RYR3: variants seen among roughly 807,000 people sequenced by gnomAD.
The protein encoded by RYR3 is ryanodine receptor 3.
Under a neutral mutation model 584.3 loss-of-function variants are expected in RYR3, and 207 were observed. The observed-to-expected ratio is 0.35, with a 90% CI of 0.32 to 0.40. The LOEUF (loss-of-function observed/expected upper bound fraction) is 0.40. Among genes scored for constraint, RYR3 ranks in the 10% least tolerant of loss-of-function variants. The pLI, the probability that RYR3 is intolerant of heterozygous loss-of-function variation, is 1.00. For missense variants in RYR3, 5,616 were observed against 6,089.2 expected (o/e 0.92, Z 2.59); for synonymous variants, 2,416 against 2,248.5 (o/e 1.07, Z -2.11).
chr15:33,580,138 G>A lies in RYR3; in HGVS notation c.1431G>A (p.Lys477=). Residue 477 remains lysine, a synonymous_variant, in exon 13 of 104, where the codon AAG becomes AAA. Transcript: ENST00000634891. ...RSLKNRQNLF[K]EEGMLALVLN... ...TCAAAAACAGACAAAATCTTTTCAA[G>A]GAAGAGGTAAGTCGAAAAATGAAAA... is the stretch of plus-strand genomic sequence containing the variant. 6.2e-7 allele frequency: 1 copy of A among 1,601,724 alleles called. No homozygotes were observed. Among genetic ancestry groups the A allele is most frequent in the Non-Finnish European group, 8.5e-7 (1 of 1,173,928 alleles).
intron 3 of RYR3, among the ~76,000 whole-genome samples, chr15:33,511,263 T>G (rs1415846894): frequency 6.7e-6 from 1 of 150,148 alleles, no homozygotes; most frequent in African/African-American, 2.5e-5. Flanking sequence ...CATTTAACGC[T>G]CTTGCAAACC....
At position 33,725,993 on chromosome 15, in the gene RYR3, A is replaced by AAC. The variant is rs1555427714; in HGVS notation, c.6913-392_6913-391insCA. 4.3e-3 allele frequency among the ~76,000 whole-genome samples: 338 copies of AAC among 79,068 alleles called. 75 individuals are homozygous for AAC. Among genetic ancestry groups the AAC allele is most frequent in the Admixed American group, 6.8e-3 (36 of 5,264 alleles). 51.9% of individuals were successfully genotyped at this position (79,068 alleles called of 152,430 possible). A position where few individuals can be genotyped will look rare whatever the true frequency, so the allele number is the denominator to read the frequency against. Reference sequence around the variant, plus strand: ...CCCCCCCCCAAAAAAAAAAAAAAAAAAAAACAGAATTCTAGAGTCTGGCAT... The same window carrying AAC: ...CCCCCCCCCAAAAAAAAAAAAAAAAAACAAAACAGAATTCTAGAGTCTGGCAT... On this transcript the variant is annotated intron_variant, in intron 45 of 103. Transcript: ENST00000634891.
intron 2 of RYR3, among the ~76,000 whole-genome samples, chr15:33,493,124 C>T (rs1308237022): frequency 1.4e-5 from 2 of 145,776 alleles, no homozygotes; most frequent in African/African-American, 5.2e-5. Flanking sequence ...AGACTTAGAC[C>T]TTCCTTCTCC....
chr15:33,495,402 T>G (rs549926683), intron 2 of RYR3, among the ~76,000 whole-genome samples: 1 of 152,114 alleles, frequency 6.6e-6, no homozygotes, highest in Non-Finnish European at 1.5e-5. Context: ...GCGGTGTGAT[T>G]GTGGGGAAGT....
At chr15:33,826,310 A>G in intron 83 of RYR3, 41 bp downstream of exon 83, 3 of 1,599,684 alleles carry the variant, frequency 1.9e-6, no homozygotes, top group Non-Finnish European at 2.6e-6. Context: ...CCGTGTGTGA[A>G]TCCTAGGAGA....
At chr15:33,444,690 G>C (rs1169374155) in intron 1 of RYR3, among the ~76,000 whole-genome samples, 1 of 152,204 alleles carries the variant, frequency 6.6e-6, no homozygotes, top group East Asian at 1.9e-4. Context: ...GACCTGAGCG[G>C]TGGGTCAACC....
intron 1 of RYR3, among the ~76,000 whole-genome samples, chr15:33,409,471 G>C (rs1186888809): frequency 6.6e-6 from 1 of 152,040 alleles, no homozygotes; most frequent in Non-Finnish European, 1.5e-5. Context: ...GGGCTCCCCA[G>C]GTGCTCAGCT....
At chr15:33,548,494 T>C (rs578114769) in intron 9 of RYR3, among the ~76,000 whole-genome samples, 1 of 152,334 alleles carries the variant, frequency 6.6e-6, no homozygotes, top group East Asian at 1.9e-4. Context: ...GTTCTCCCAT[T>C]TGTTTTCTTA....
At chr15:33,490,223 C>A (rs2142491033) in intron 2 of RYR3, among the ~76,000 whole-genome samples, 1 of 152,256 alleles carries the variant, frequency 6.6e-6, no homozygotes, top group Admixed American at 6.5e-5. Flanking sequence ...TTTAACTGAG[C>A]TTTATCCAAA....
chr15:33,726,275 A>G (rs2068448882), intron 45 of RYR3, 111 bp from the exon 46 acceptor site: 2 of 1,181,654 alleles, frequency 1.7e-6, no homozygotes, highest in South Asian at 1.4e-5. Context: ...AGGGAAACAT[A>G]GAAATGGACC....
At chr15:33,681,641 C>T (rs1434051430) in intron 38 of RYR3, among the ~76,000 whole-genome samples, 1 of 152,214 alleles carries the variant, frequency 6.6e-6, no homozygotes, top group Non-Finnish European at 1.5e-5. Context: ...CAGCATGCCA[C>T]AAGCTGACTT....
chr15:33,506,558 GTAT>G (rs2052499900), intron 3 of RYR3, among the ~76,000 whole-genome samples: 1 of 152,170 alleles, frequency 6.6e-6, no homozygotes, highest in African/African-American at 2.4e-5. Context: ...ATAAGGAGTA[GTAT>G]TCACTGGAGA....
chr15:33,511,358 A>G (rs1035150756), intron 3 of RYR3, among the ~76,000 whole-genome samples: 2 of 146,048 alleles, frequency 1.4e-5, no homozygotes, highest in Non-Finnish European at 1.5e-5. Flanking sequence ...AAAACTCTTT[A>G]GTAAGCATCA....
At chr15:33,486,251 A>G (rs745855675) in intron 2 of RYR3, among the ~76,000 whole-genome samples, 2 of 152,196 alleles carry the variant, frequency 1.3e-5, no homozygotes, top group African/African-American at 4.8e-5. Context: ...TTGGAAATCA[A>G]GGTGTTATCA....
At chr15:33,449,469 A>G (rs2046932596) in intron 1 of RYR3, among the ~76,000 whole-genome samples, 1 of 152,214 alleles carries the variant, frequency 6.6e-6, no homozygotes, top group Non-Finnish European at 1.5e-5. Context: ...CCGGGCAGGG[A>G]TTGCACAAGG....
intron 38 of RYR3, 84 bp downstream of exon 38, chr15:33,670,640 G>A: frequency 7.5e-7 from 1 of 1,334,854 alleles, no homozygotes; most frequent in South Asian, 1.6e-5. Flanking sequence ...CTGTAAGATA[G>A]ATAGGGGCTG....
intron 1 of RYR3, among the ~76,000 whole-genome samples, chr15:33,418,630 CA>C (rs915948322): frequency 6.6e-6 from 1 of 152,008 alleles, no homozygotes; most frequent in African/African-American, 2.4e-5. Flanking sequence ...AGTGATATGT[CA>C]ATAAGCAGTG....
At chr15:33,342,546 AG>A (rs1971951340) in intron 1 of RYR3, among the ~76,000 whole-genome samples, 1 of 152,218 alleles carries the variant, frequency 6.6e-6, no homozygotes, top group Non-Finnish European at 1.5e-5. Flanking sequence ...AGTAGTTTTA[AG>A]AATCATTTTC....
rs1180164194 is a variant in RYR3 at position 33,464,503 on chromosome 15, T to TATATATATACAC, written c.52-8915_52-8914insTATATATACACA. ...ATATATATATATACACATATATATA[T>TATATATATACAC]ACATACACATACACATATATGTACA... is the stretch of plus-strand genomic sequence containing the variant. On this transcript the variant is annotated intron_variant, in intron 1 of 103. Transcript: ENST00000634891. 4.1e-4 allele frequency among the ~76,000 whole-genome samples: 43 copies of TATATATATACAC among 105,924 alleles called. 2 individuals are homozygous for TATATATATACAC. The highest frequency in any genetic ancestry group is 8.7e-4 in the African/African-American group (26 of 29,800). 69.5% of individuals were successfully genotyped at this position (105,924 alleles called of 152,430 possible). A position where few individuals can be genotyped will look rare whatever the true frequency, so the allele number is the denominator to read the frequency against.
Sources: allele counts gnomAD v4.1 joint callset (sites outside exome capture counted in the v4.1 genomes callset), GRCh38; gene constraint gnomAD v4.1.1; transcripts MANE v1.5; gene names NCBI Gene and HGNC (gene_info 2026-07-23, HGNC 2026-07-21).